The following ACBD6 variants were observed in gnomAD, a reference collection of about 807,000 sequenced individuals.
ACBD6 encodes the protein acyl-CoA-binding domain-containing protein 6.
Under a neutral mutation model 37.2 loss-of-function variants are expected in ACBD6, and 28 were observed. The ratio of observed to expected loss-of-function variants is 0.75; its 90% CI spans 0.56 to 1.03. The LOEUF (loss-of-function observed/expected upper bound fraction) is 1.03, where lower values mean the gene tolerates loss of function less well. ACBD6 is among the 50% of genes least tolerant of loss of function. The pLI, the probability that ACBD6 is intolerant of heterozygous loss-of-function variation, is 0.00. For missense variants in ACBD6, 340 were observed against 337.4 expected (o/e 1.01, Z -0.06); for synonymous variants, 113 against 126.8 (o/e 0.89, Z 0.73).
chr1:180,490,602 C>T lies in ACBD6; in HGVS notation c.384+1667G>A, dbSNP rs190591195. ...CAACTTGGCTAACACGGTGAAACCC[C>T]GTCTCTACTAAAGATAAAAATAAAA... is the stretch of plus-strand genomic sequence containing the variant. On this transcript the variant is annotated intron_variant, in intron 3 of 7. Coordinates refer to ENST00000367595, the MANE Select transcript of ACBD6 (RefSeq NM_032360.4). Among the ~76,000 whole-genome samples the T allele has an allele frequency of 3.6e-3, 550 of 151,648 alleles. 2 individuals are homozygous for T. The highest frequency in any genetic ancestry group is 5.7e-3 in the Non-Finnish European group (389 of 67,872).
chr1:180,493,032 T>C (rs1651567701), intron 2 of ACBD6, among the ~76,000 whole-genome samples: 1 of 151,860 alleles, frequency 6.6e-6, no homozygotes, highest in African/African-American at 2.4e-5. Flanking sequence ...GTGGACCACC[T>C]GAGGTCAGGA....
intron 3 of ACBD6, among the ~76,000 whole-genome samples, chr1:180,458,646 A>G (rs61811614): frequency 0.021 from 3,164 of 152,314 alleles, 53 homozygotes; most frequent in Non-Finnish European, 0.026. Flanking sequence ...GGCATTTCAG[A>G]AAACAGCGTG....
At position 180,492,285 on chromosome 1, in the gene ACBD6, G is replaced by C; in HGVS notation, c.368C>G (p.Pro123Arg). The C allele has an allele frequency of 6.2e-7, 1 of 1,613,792 alleles. No individual in the cohort carries two copies. Among genetic ancestry groups the C allele is most frequent in the Non-Finnish European group, 8.5e-7 (1 of 1,179,744 alleles). ...EYIAVVKKLDPGWNPQIPEKK... is the reference protein window; with the variant it reads ...EYIAVVKKLDRGWNPQIPEKK... ...AAGTCTTACCTGAGGATTCCAACCTGGATCTAGTTTTTTAACTACTGCGAT... is the reference window on the plus strand; with the variant it reads ...AAGTCTTACCTGAGGATTCCAACCTCGATCTAGTTTTTTAACTACTGCGAT... The change falls in exon 3 of 8, where the codon CCA (proline) becomes CGA (arginine). Residue 123 changes from proline (P) to arginine (R), a missense_variant. Physicochemically the swap from Pro to Arg is moderately radical, Grantham distance 103. Transcript: ENST00000367595.
At position 180,502,222 on chromosome 1, in the gene ACBD6, G is replaced by C; in HGVS notation, c.45C>G (p.Ser15Arg). 6.2e-7 allele frequency: 1 copy of C among 1,613,832 alleles called. No individual in the cohort carries two copies. The highest frequency in any genetic ancestry group is 1.1e-5 in the South Asian group (1 of 91,080). Residue 15 changes from serine (S) to arginine (R), a missense_variant, in exon 1 of 8, where the codon AGC becomes AGG. Transcript: ENST00000367595. Reference sequence around the variant, plus strand: ...CGTCCCCTGAGCTCAGCTCTCCACCGCTGTCGCCGGTGATGGCCCCCGCGG... The same window carrying C: ...CGTCCCCTGAGCTCAGCTCTCCACCCCTGTCGCCGGTGATGGCCCCCGCGG... ...FLPAGAITGD[S>R]GGELSSGDDS...
intron 3 of ACBD6, among the ~76,000 whole-genome samples, chr1:180,472,671 A>G (rs1650614248): frequency 6.6e-6 from 1 of 152,230 alleles, no homozygotes; most frequent in Non-Finnish European, 1.5e-5. Flanking sequence ...ATGCTAAAGA[A>G]AAAAGCTAAA....
At chr1:180,461,685 A>C (rs1650152916) in intron 3 of ACBD6, among the ~76,000 whole-genome samples, 1 of 152,218 alleles carries the variant, frequency 6.6e-6, no homozygotes, top group Non-Finnish European at 1.5e-5. Context: ...GCAAAGGAGA[A>C]ATAAGATCCT....
intron 4 of ACBD6, among the ~76,000 whole-genome samples, chr1:180,419,259 A>C (rs193025898): frequency 6.6e-6 from 1 of 152,230 alleles, no homozygotes; most frequent in African/African-American, 2.4e-5. Context: ...TCAAAAAAAA[A>C]ATATATTGTT....
intron 6 of ACBD6, among the ~76,000 whole-genome samples, chr1:180,371,410 C>T (rs986638832): frequency 1.3e-5 from 2 of 152,094 alleles, no homozygotes; most frequent in Non-Finnish European, 2.9e-5. Context: ...GAAGGTCTGG[C>T]AGGTAGATAC....
chr1:180,382,807 C>T (rs1287110084), intron 6 of ACBD6, among the ~76,000 whole-genome samples: 1 of 152,120 alleles, frequency 6.6e-6, no homozygotes, highest in African/African-American at 2.4e-5. Flanking sequence ...AAATTCTCAA[C>T]AAAATACTAG....
At chr1:180,337,894 T>C (rs879000074) in intron 6 of ACBD6, among the ~76,000 whole-genome samples, 2 of 152,144 alleles carry the variant, frequency 1.3e-5, no homozygotes, top group Non-Finnish European at 2.9e-5. Context: ...TGAACTCCCA[T>C]TCACAAGTGC....
chr1:180,287,456 TTAAAA>T (rs1649541670), downstream of ACBD6: 1 of 150,286 alleles, frequency 6.7e-6, no homozygotes, highest in South Asian at 2.1e-4. Flanking sequence ...ATCCTTTAAA[TTAAAA>T]TGAGAGCATA....
intron 3 of ACBD6, among the ~76,000 whole-genome samples, chr1:180,476,731 CAGG>C (rs1650810278): frequency 6.6e-6 from 1 of 152,052 alleles, no homozygotes; most frequent in Non-Finnish European, 1.5e-5. Flanking sequence ...GAGGCTGAGG[CAGG>C]AGAATTGCTT....
intron 4 of ACBD6, among the ~76,000 whole-genome samples, chr1:180,419,033 C>T (rs565611415): frequency 1.4e-4 from 22 of 152,310 alleles, no homozygotes; most frequent in Non-Finnish European, 2.2e-4. Flanking sequence ...GGGTGGATCA[C>T]GAGGTCAGGA....
At chr1:180,322,768 T>C (rs1460016417) in intron 6 of ACBD6, among the ~76,000 whole-genome samples, 1 of 151,598 alleles carries the variant, frequency 6.6e-6, no homozygotes, top group African/African-American at 2.4e-5. Context: ...TGGCTAAAAG[T>C]TGGTCAATTT....
intron 6 of ACBD6, among the ~76,000 whole-genome samples, chr1:180,344,961 T>TA (rs1652124528): frequency 6.6e-6 from 1 of 152,206 alleles, no homozygotes; most frequent in African/African-American, 2.4e-5. Flanking sequence ...AAAACTGACA[T>TA]ATCATCAGAG....
At chr1:180,307,055 C>T (rs1650409551) in intron 7 of ACBD6, among the ~76,000 whole-genome samples, 1 of 152,198 alleles carries the variant, frequency 6.6e-6, no homozygotes, top group Admixed American at 6.5e-5. Flanking sequence ...ATCTGCACTG[C>T]CATGTTTGTT....
rs374281220 is a variant in ACBD6, at chr1:180,431,772, G to GA, written c.385-1511dup. On this transcript the variant is annotated intron_variant, in intron 3 of 7. Transcript: ENST00000367595. ...AAAATGAGAAAACTGGATACGAAAG[G>GA]AAAAAAAATAGAGATAGAACCAAGT... Among the ~76,000 whole-genome samples the GA allele has an allele frequency of 7.2e-3, 1,094 of 151,580 alleles. 13 individuals are homozygous for GA. Among genetic ancestry groups the GA allele is most frequent in the African/African-American group, 0.025 (1,045 of 41,362 alleles).
chr1:180,379,358 G>C (rs951683153), intron 6 of ACBD6, among the ~76,000 whole-genome samples: 3 of 152,074 alleles, frequency 2.0e-5, no homozygotes, highest in Non-Finnish European at 4.4e-5. Flanking sequence ...AAAGGAATAT[G>C]ATACTTCCAA....
At chr1:180,377,168 A>T (rs1653468303) in intron 6 of ACBD6, among the ~76,000 whole-genome samples, 1 of 152,254 alleles carries the variant, frequency 6.6e-6, no homozygotes, top group Non-Finnish European at 1.5e-5. Context: ...TGTGAGAAAA[A>T]GTTATAAATA....
Sources: allele counts gnomAD v4.1 joint callset (sites outside exome capture counted in the v4.1 genomes callset), GRCh38; gene constraint gnomAD v4.1.1; transcripts MANE v1.5; gene names NCBI Gene and HGNC (gene_info 2026-07-23, HGNC 2026-07-21).